The following NCOA2 variants were observed in gnomAD, a reference collection of about 807,000 sequenced individuals.
NCOA2 encodes nuclear receptor coactivator 2, also known as class E basic helix-loop-helix protein 75.
A neutral mutation model predicts 145.1 loss-of-function variants in NCOA2; 21 were observed. The ratio of observed to expected loss-of-function variants is 0.14; its 90% CI spans 0.10 to 0.21. The LOEUF is 0.21. Ranked by LOEUF, NCOA2 falls within the 10% of genes least tolerant of loss-of-function variation. The pLI, the probability that NCOA2 is intolerant of heterozygous loss-of-function variation, is 1.00. For missense variants in NCOA2, 1,472 were observed against 1,837.6 expected, an observed-to-expected ratio of 0.80 and a Z score of 3.64; for synonymous variants, 619 against 637.5, an observed-to-expected ratio of 0.97 and a Z score of 0.44.
intron 2 of NCOA2, among the ~76,000 whole-genome samples, chr8:70,223,037 G>C (rs1181284436): frequency 6.6e-6 from 1 of 152,146 alleles, no homozygotes; most frequent in Non-Finnish European, 1.5e-5. Context: ...GTTTTAATGA[G>C]GCCTCAGATG....
chr8:70,441,313 A>C, the NCOA2 span, among the ~76,000 whole-genome samples: 2 of 150,372 alleles, frequency 1.3e-5, no homozygotes, highest in African/African-American at 4.9e-5. Flanking sequence ...AAAGAGAAAG[A>C]GGAAAGGAGA....
intron 1 of NCOA2, among the ~76,000 whole-genome samples, chr8:70,304,704 T>C (rs10957518): frequency 0.41 from 61,614 of 151,394 alleles, 14,418 homozygotes; most frequent in East Asian, 0.7. Context: ...ACCATCTTGG[T>C]CAGACTGGTC....
At chr8:70,390,532 C>T (rs2131604956) in intron 1 of NCOA2, among the ~76,000 whole-genome samples, 1 of 151,610 alleles carries the variant, frequency 6.6e-6, no homozygotes, top group South Asian at 2.1e-4. Context: ...TTTGGGAGGC[C>T]AAGGCACAAG....
At chr8:70,430,578 C>T in the NCOA2 span, among the ~76,000 whole-genome samples, 1 of 152,184 alleles carries the variant, frequency 6.6e-6, no homozygotes, top group African/African-American at 2.4e-5. Flanking sequence ...CCCTCTACCC[C>T]CTTTCTTTGG....
chr8:70,344,902 T>C (rs550420269), intron 1 of NCOA2, among the ~76,000 whole-genome samples: 1 of 152,300 alleles, frequency 6.6e-6, no homozygotes, highest in South Asian at 2.1e-4. Flanking sequence ...GTGCCTCAAG[T>C]GGTGTTCATG....
At position 70,299,918 on chromosome 8, in the gene NCOA2, A is replaced by G. The variant is rs972201487; in HGVS notation, c.-76-3118T>C. On this transcript the variant is annotated intron_variant, in intron 1 of 22. Transcript: ENST00000452400. ...ATCAAGGGATTTTCTTAAATGCTGT[A>G]CATCCATACAGTGGAATACCACTCA... Among the ~76,000 whole-genome samples the G allele has an allele frequency of 5.3e-5, 8 of 152,244 alleles. No homozygotes were observed. In the South Asian group the frequency reaches 1.7e-3, roughly 31 times the overall value.
chr8:70,183,775 C>T (rs562024140), intron 4 of NCOA2, among the ~76,000 whole-genome samples: 1 of 152,328 alleles, frequency 6.6e-6, no homozygotes, highest in Admixed American at 6.5e-5. Context: ...ACATTCCCCT[C>T]ACCATTTTGA....
chr8:70,174,945 A>T (rs749804529), intron 4 of NCOA2, 86 bp from the exon 5 acceptor site: 25 of 1,254,782 alleles, frequency 2.0e-5, no homozygotes, highest in Non-Finnish European at 2.9e-5. Flanking sequence ...AATGATTTTT[A>T]AAAATCTCTA....
chr8:70,127,106 A>G, intron 18 of NCOA2, 59 bp from the exon 19 acceptor site: 1 of 1,248,296 alleles, frequency 8.0e-7, no homozygotes, highest in South Asian at 1.3e-5. Context: ...ATTAAAAAAC[A>G]AAGTGAGTAT....
intron 1 of NCOA2, among the ~76,000 whole-genome samples, chr8:70,390,812 C>T (rs985841977): frequency 3.9e-5 from 6 of 152,108 alleles, no homozygotes; most frequent in Admixed American, 3.3e-4. Flanking sequence ...TACATACACA[C>T]ACACATACAT....
intron 4 of NCOA2, among the ~76,000 whole-genome samples, chr8:70,207,991 C>A (rs1487345233): frequency 6.6e-6 from 1 of 151,806 alleles, no homozygotes; most frequent in East Asian, 1.9e-4. Context: ...GTGACTCATG[C>A]CTATAATCAC....
intron 3 of NCOA2, among the ~76,000 whole-genome samples, chr8:70,216,089 T>C (rs558895902): frequency 6.6e-6 from 1 of 152,304 alleles, no homozygotes; most frequent in Admixed American, 6.5e-5. Context: ...AAGTATATAA[T>C]AGGAAAATTC....
chr8:70,344,909 C>T (rs1191668386), intron 1 of NCOA2, among the ~76,000 whole-genome samples: 1 of 152,192 alleles, frequency 6.6e-6, no homozygotes, highest in Non-Finnish European at 1.5e-5. Context: ...AAGTGGTGTT[C>T]ATGTTAACAT....
At chr8:70,378,704 T>C (rs1440817139) in intron 1 of NCOA2, among the ~76,000 whole-genome samples, 2 of 148,476 alleles carry the variant, frequency 1.3e-5, no homozygotes, top group Non-Finnish European at 3.0e-5. Context: ...AGAATGCAAG[T>C]TATTCGAGTT....
the NCOA2 span, among the ~76,000 whole-genome samples, chr8:70,411,574 T>C: frequency 6.6e-6 from 1 of 152,232 alleles, no homozygotes; most frequent in Non-Finnish European, 1.5e-5. Flanking sequence ...TTCCTTAGTA[T>C]GTATCCTATA....
the NCOA2 span, among the ~76,000 whole-genome samples, chr8:70,455,739 A>G: frequency 6.6e-6 from 1 of 151,726 alleles, no homozygotes; most frequent in Non-Finnish European, 1.5e-5. Context: ...TTTCCAGATA[A>G]CTTTACCATT....
chr8:70,409,196 A>C, the NCOA2 span, among the ~76,000 whole-genome samples: 7 of 152,240 alleles, frequency 4.6e-5, no homozygotes, highest in African/African-American at 1.7e-4. Context: ...TTAAGTAAAA[A>C]TTGAGGTCTA....
chr8:70,416,331 C>G, the NCOA2 span, among the ~76,000 whole-genome samples: 2 of 152,054 alleles, frequency 1.3e-5, no homozygotes, highest in Admixed American at 6.6e-5. Context: ...CTGGGCACCA[C>G]AGCCTAGACA....
At chr8:70,318,141 C>G (rs1256050726) in intron 1 of NCOA2, among the ~76,000 whole-genome samples, 1 of 152,170 alleles carries the variant, frequency 6.6e-6, no homozygotes, top group African/African-American at 2.4e-5. Flanking sequence ...GCTTCTTTTT[C>G]AGAGCTTTCC....
Sources: gnomAD v4.1 joint callset for allele counts (sites outside exome capture counted in the v4.1 genomes callset) on GRCh38, gnomAD v4.1.1 for gene constraint, MANE v1.5 for transcripts, NCBI Gene and HGNC (gene_info 2026-07-23, HGNC 2026-07-21) for gene names.